The following MLLT10 variants were observed in gnomAD, a reference collection of about 807,000 sequenced individuals.
MLLT10 encodes protein AF-10.
MLLT10 carries 30 observed loss-of-function variants against 129.1 expected under a neutral mutation model. That is an observed-to-expected ratio of 0.23 (90% CI 0.17 to 0.32). MLLT10 has a LOEUF of 0.32. Ranked by LOEUF, MLLT10 falls within the 10% of genes least tolerant of loss-of-function variation. The pLI is 1.00. For missense variants in MLLT10, 1,119 were observed against 1,268.3 expected, an observed-to-expected ratio of 0.88 and a Z score of 1.79; for synonymous variants, 490 against 446.4, an observed-to-expected ratio of 1.10 and a Z score of -1.23.
chr10:21,743,627 ATAAC>A (rs1833929705), exon 23 of MLLT10: 2 of 170,136 alleles, frequency 1.2e-5, no homozygotes, highest in African/African-American at 4.7e-5. Flanking sequence ...AATAATGTTT[ATAAC>A]TCCGTGCCAT....
intron 13 of MLLT10, chr10:21,708,654 GTATGTAAGTA>G (rs1288236725): frequency 4.1e-6 from 4 of 984,800 alleles, no homozygotes; most frequent in Non-Finnish European, 4.8e-6. Flanking sequence ...GCGTAATTTC[GTATGTAAGTA>G]TACGTTGATG....
chr10:21,684,777 C>T (rs1317121314), intron 13 of MLLT10, among the ~76,000 whole-genome samples: 5 of 152,188 alleles, frequency 3.3e-5, no homozygotes, highest in Non-Finnish European at 5.9e-5. Flanking sequence ...AGTTTTTCTT[C>T]ATCTCGTTGT....
At chr10:21,569,566 G>A (rs1248211780) in intron 3 of MLLT10, among the ~76,000 whole-genome samples, 1 of 150,568 alleles carries the variant, frequency 6.6e-6, no homozygotes, top group Non-Finnish European at 1.5e-5. Context: ...GATTACTGTT[G>A]TGCGCCATCA....
chr10:21,587,474 T>C (rs2042099037), intron 4 of MLLT10, among the ~76,000 whole-genome samples: 1 of 151,258 alleles, frequency 6.6e-6, no homozygotes, highest in Non-Finnish European at 1.5e-5. Flanking sequence ...CATTTTGGTA[T>C]GCTTTCCTAT....
intron 3 of MLLT10, 117 bp from the exon 4 acceptor site, chr10:21,586,177 G>A: frequency 3.9e-6 from 3 of 762,038 alleles, no homozygotes; most frequent in Admixed American, 2.5e-5. Flanking sequence ...TATTCTTGGG[G>A]GGCAACTAGG....
chr10:21,707,554 C>T (rs1464394321), intron 13 of MLLT10, among the ~76,000 whole-genome samples: 5 of 152,146 alleles, frequency 3.3e-5, no homozygotes, highest in African/African-American at 7.2e-5. Flanking sequence ...GTACTACTAC[C>T]GTCTTTGTCT....
intron 8 of MLLT10, among the ~76,000 whole-genome samples, chr10:21,649,617 G>T (rs943830720): frequency 6.6e-6 from 1 of 152,190 alleles, no homozygotes. Context: ...CATGTCTGGC[G>T]CCAGGCGCTG....
At chr10:21,596,112 T>G (rs1272208113) in intron 5 of MLLT10, among the ~76,000 whole-genome samples, 1 of 152,112 alleles carries the variant, frequency 6.6e-6, no homozygotes, top group Non-Finnish European at 1.5e-5. Flanking sequence ...GTAAAAAACC[T>G]TTTTATTTTG....
intron 6 of MLLT10, among the ~76,000 whole-genome samples, chr10:21,614,090 C>T (rs1342687679): frequency 6.6e-6 from 1 of 150,984 alleles, no homozygotes; most frequent in African/African-American, 2.4e-5. Context: ...TGATGGTGTA[C>T]TCCTGTAGTC....
Position 21,534,501 on chromosome 10 carries a change from G to A in MLLT10, c.-20G>A. ...CCTGACTCCTGTGCGGAACGTGAGT[G>A]ACTGAGCGGCAAAGCCCGAGTGAGC... is the stretch of plus-strand genomic sequence containing the variant. On this transcript the variant is annotated 5_prime_UTR_variant, in exon 1 of 23. The change abolishes the stop of an existing upstream ORF in the 5' untranslated region. Transcript: ENST00000307729. The A allele has an allele frequency of 2.4e-6, 2 of 821,664 alleles. No individual in the cohort carries two copies. Among genetic ancestry groups the A allele is most frequent in the Non-Finnish European group, 3.7e-6 (2 of 539,640 alleles). The allele number at this position is 821,664 out of a possible 1,614,324, so 50.9% of individuals were successfully genotyped here. A position where few individuals can be genotyped will look rare whatever the true frequency, so the allele number is the denominator to read the frequency against.
At chr10:21,642,575 T>C (rs565138213) in intron 8 of MLLT10, among the ~76,000 whole-genome samples, 28 of 150,290 alleles carry the variant, frequency 1.9e-4, no homozygotes, top group African/African-American at 6.9e-4. Context: ...GAGAATTGCT[T>C]GAGCCGGGGA....
chr10:21,689,546 A>AATATATATATATATATATATGT (rs370885697), intron 13 of MLLT10, among the ~76,000 whole-genome samples: 3 of 108,334 alleles, frequency 2.8e-5, no homozygotes, highest in Admixed American at 1.1e-4. Context: ...TGTGTAAAGT[A>AATATATATATATATATATATGT]ATATATATAT....
In MLLT10 at chr10:21,689,366, A is replaced by C. The variant is rs573008382; in HGVS notation, c.1699+7109A>C. Among the ~76,000 whole-genome samples, 8 of 151,730 alleles carry C rather than the reference A, an allele frequency of 5.3e-5. No individual in the cohort carries two copies. The East Asian group carries it at 1.5e-3, about 29-fold the overall frequency. On this transcript the variant is annotated intron_variant, in intron 13 of 22. Transcript: ENST00000307729. ...TCAGTAGGAGTTCAAGGCCAGGGAA[A>C]ATTGCTTTCAGCTGAAGGAATGAGC...
intron 9 of MLLT10, among the ~76,000 whole-genome samples, chr10:21,670,225 A>G (rs1224382200): frequency 6.6e-6 from 1 of 152,216 alleles, no homozygotes; most frequent in Non-Finnish European, 1.5e-5. Flanking sequence ...TGAAACAGCC[A>G]TCTTTAAATT....
At position 21,624,593 on chromosome 10, in the gene MLLT10, T is replaced by C. The variant is rs2046241088; in HGVS notation, c.699+7386T>C. The stretch of plus-strand genomic sequence containing the variant: ...CATTTTCAAGCCCTTACTTGTCTGC[T>C]TCCACTGTTGCCCATAAGTATCCTG... On this transcript the variant is annotated intron_variant, in intron 8 of 22. Coordinates refer to ENST00000307729, the MANE Select transcript of MLLT10 (RefSeq NM_001195626.3). 5.8e-6 allele frequency: 8 copies of C among 1,372,802 alleles called. No homozygotes were observed. The South Asian group carries it at 9.9e-5, about 17-fold the overall frequency. 85.0% of individuals were successfully genotyped at this position (1,372,802 alleles called of 1,614,324 possible). A position where few individuals can be genotyped will look rare whatever the true frequency, so the allele number is the denominator to read the frequency against.
chr10:21,740,538 G>A (rs751821892), intron 22 of MLLT10, among the ~76,000 whole-genome samples: 9 of 152,162 alleles, frequency 5.9e-5, no homozygotes, highest in Non-Finnish European at 1.3e-4. Flanking sequence ...TTTCTGAGAA[G>A]CTTTGTTTAT....
chr10:21,595,391 C>T lies in MLLT10; in HGVS notation c.356C>T (p.Thr119Ile). 1 of 1,613,694 alleles carries T rather than the reference C, an allele frequency of 6.2e-7. No homozygotes were observed. The highest frequency in any genetic ancestry group is 1.1e-5 in the South Asian group (1 of 91,058). The change falls in exon 5 of 23, where the codon ACA becomes ATA. Residue 119 changes from threonine to isoleucine, a missense_variant. By Grantham distance (89) the Thr-to-Ile change is moderately conservative. This residue lies in a region of MLLT10 where 44 missense variants were observed against 114.3 expected (regional missense o/e 0.38). Coordinates refer to ENST00000307729, the MANE Select transcript of MLLT10 (RefSeq NM_001195626.3). ...GAGGTACAATTTGCCAATGTTTCCA[C>T]AATGGAACCAATTGTTTTACAGTCT... The part of the protein sequence containing the change: ...IPEVQFANVS[T>I]MEPIVLQSVP...
In MLLT10 at chr10:21,534,419, G is replaced by C. The variant is rs554100603; in HGVS notation, c.-102G>C. On this transcript the variant is annotated 5_prime_UTR_variant, in exon 1 of 23. Transcript: ENST00000307729. ...TGGGGAGGGAAGACGCTGAGGAGGAGGAGGAGGCGGAGGAGGCGGTGGAGG... is the reference window on the plus strand; with the variant it reads ...TGGGGAGGGAAGACGCTGAGGAGGACGAGGAGGCGGAGGAGGCGGTGGAGG... 2.1e-6 allele frequency: 1 copy of C among 479,762 alleles called. No individual in the cohort carries two copies. The highest frequency in any genetic ancestry group is 3.4e-5 in the East Asian group (1 of 29,628). 29.7% of individuals were successfully genotyped at this position (479,762 alleles called of 1,614,324 possible).
At chr10:21,655,533 A>G (rs570469454) in intron 9 of MLLT10, among the ~76,000 whole-genome samples, 7 of 150,444 alleles carry the variant, frequency 4.7e-5, no homozygotes, top group Admixed American at 1.3e-4. Flanking sequence ...ATTTTTTTTT[A>G]AAAAGCCATT....
Sources: allele counts gnomAD v4.1 joint callset (sites outside exome capture counted in the v4.1 genomes callset), GRCh38; gene constraint gnomAD v4.1.1; regional missense constraint gnomAD v4.1.1; transcripts MANE v1.5; gene names NCBI Gene and HGNC (gene_info 2026-07-23, HGNC 2026-07-21).